The following GALNTL6 variants were observed in gnomAD, a reference collection of about 807,000 sequenced individuals.
The protein encoded by GALNTL6 is polypeptide N-acetylgalactosaminyltransferase like 6.
Under a neutral mutation model 73.7 loss-of-function variants are expected in GALNTL6, and 46 were observed. The ratio of observed to expected loss-of-function variants is 0.62; its 90% CI spans 0.49 to 0.80. The LOEUF (loss-of-function observed/expected upper bound fraction) is 0.80. GALNTL6 is among the 30% of genes least tolerant of loss of function. The pLI, the probability that GALNTL6 is intolerant of heterozygous loss-of-function variation, is 0.00. For missense variants in GALNTL6, 604 were observed against 755.0 expected (o/e 0.80, Z 2.34); for synonymous variants, 259 against 263.7 (o/e 0.98, Z 0.17).
intron 2 of GALNTL6, among the ~76,000 whole-genome samples, chr4:172,224,014 G>C (rs1350410631): frequency 6.6e-6 from 1 of 152,012 alleles, no homozygotes; most frequent in Non-Finnish European, 1.5e-5. Flanking sequence ...CTGTAACAGA[G>C]TTTCAACCAC....
At chr4:172,539,875 T>TTATATA (rs10589603) in intron 5 of GALNTL6, among the ~76,000 whole-genome samples, 67 of 126,652 alleles carry the variant, frequency 5.3e-4, no homozygotes, top group South Asian at 2.2e-3. Flanking sequence ...ATACATATGA[T>TTATATA]TATATATATA....
intron 10 of GALNTL6, among the ~76,000 whole-genome samples, chr4:172,992,086 G>A (rs553806950): frequency 2.9e-4 from 44 of 152,136 alleles, no homozygotes; most frequent in Non-Finnish European, 5.1e-4. Flanking sequence ...AACCAAATTC[G>A]TATGTGTTTT....
intron 5 of GALNTL6, among the ~76,000 whole-genome samples, chr4:172,725,256 C>A (rs1187526059): frequency 2.0e-5 from 3 of 152,154 alleles, no homozygotes; most frequent in Non-Finnish European, 4.4e-5. Flanking sequence ...TTAATAAAAG[C>A]AACTTCCAAC....
chr4:172,968,348 G>A (rs1750426588), intron 10 of GALNTL6, among the ~76,000 whole-genome samples: 2 of 152,142 alleles, frequency 1.3e-5, no homozygotes, highest in South Asian at 4.1e-4. Flanking sequence ...CTTACCAGTG[G>A]AATTAAAAGA....
At chr4:172,184,998 A>C (rs1456292034) in intron 2 of GALNTL6, among the ~76,000 whole-genome samples, 1 of 152,180 alleles carries the variant, frequency 6.6e-6, no homozygotes, top group Non-Finnish European at 1.5e-5. Context: ...TTTCCAATAC[A>C]TACAGTTGGG....
chr4:172,912,048 T>C (rs770651842), intron 8 of GALNTL6, among the ~76,000 whole-genome samples: 9 of 152,170 alleles, frequency 5.9e-5, no homozygotes, highest in Non-Finnish European at 1.0e-4. Flanking sequence ...AATCTAATCA[T>C]GCTAATGCTT....
intron 5 of GALNTL6, among the ~76,000 whole-genome samples, chr4:172,626,123 G>GT (rs1328898750): frequency 3.9e-5 from 6 of 151,994 alleles, no homozygotes; most frequent in African/African-American, 1.5e-4. Context: ...TGTTTCCTAG[G>GT]TTTTTGTCTA....
At chr4:172,893,556 G>C (rs1452231704) in intron 8 of GALNTL6, among the ~76,000 whole-genome samples, 1 of 152,186 alleles carries the variant, frequency 6.6e-6, no homozygotes, top group South Asian at 2.1e-4. Context: ...CTGTGCTGTA[G>C]GTACCTTCCT....
At chr4:172,897,378 G>A (rs551026546) in intron 8 of GALNTL6, among the ~76,000 whole-genome samples, 46 of 152,280 alleles carry the variant, frequency 3.0e-4, no homozygotes, top group African/African-American at 1.0e-3. Context: ...TTCGCCCTCT[G>A]GGCCCTTGTG....
At chr4:172,643,318 A>G (rs1026295007) in intron 5 of GALNTL6, among the ~76,000 whole-genome samples, 2 of 151,988 alleles carry the variant, frequency 1.3e-5, no homozygotes, top group Non-Finnish European at 2.9e-5. Flanking sequence ...ATAAGGCCAC[A>G]TCTGTTGCAT....
chr4:172,226,186 A>G (rs1256231760), intron 2 of GALNTL6, among the ~76,000 whole-genome samples: 1 of 152,154 alleles, frequency 6.6e-6, no homozygotes, highest in Non-Finnish European at 1.5e-5. Context: ...TTTTATTTTC[A>G]TTCTGTCATA....
intron 2 of GALNTL6, among the ~76,000 whole-genome samples, chr4:172,097,258 A>T (rs1337930443): frequency 6.6e-6 from 1 of 152,204 alleles, no homozygotes; most frequent in Non-Finnish European, 1.5e-5. Flanking sequence ...AAACTTCTGA[A>T]CTGGTTTTGA....
chr4:172,193,641 T>A (rs1735654419), intron 2 of GALNTL6, among the ~76,000 whole-genome samples: 1 of 152,052 alleles, frequency 6.6e-6, no homozygotes, highest in African/African-American at 2.4e-5. Flanking sequence ...GGCGGGTGGA[T>A]CATGAGGTCA....
At chr4:172,857,870 G>A (rs554043907) in intron 7 of GALNTL6, among the ~76,000 whole-genome samples, 14 of 152,242 alleles carry the variant, frequency 9.2e-5, no homozygotes, top group East Asian at 1.9e-4. Flanking sequence ...TTCATTTACC[G>A]TGGTAGGGGT....
intron 5 of GALNTL6, among the ~76,000 whole-genome samples, chr4:172,742,218 G>A (rs1736848741): frequency 6.6e-6 from 1 of 151,690 alleles, no homozygotes; most frequent in African/African-American, 2.4e-5. Flanking sequence ...AAGAATACCT[G>A]GTGAACCTGT....
chr4:171,907,084 C>T (rs1047162595), intron 2 of GALNTL6, among the ~76,000 whole-genome samples: 11 of 152,060 alleles, frequency 7.2e-5, no homozygotes, highest in African/African-American at 2.2e-4. Context: ...AAAACTGGCA[C>T]AAGACAGGGA....
intron 5 of GALNTL6, among the ~76,000 whole-genome samples, chr4:172,456,200 C>A (rs191197288): frequency 3.7e-4 from 56 of 152,120 alleles, no homozygotes; most frequent in Non-Finnish European, 6.5e-4. Flanking sequence ...CCAAAGGTCA[C>A]CAACATTAAA....
chr4:172,963,206 C>G (rs1750165145), intron 10 of GALNTL6, among the ~76,000 whole-genome samples: 3 of 152,206 alleles, frequency 2.0e-5, no homozygotes, highest in East Asian at 3.9e-4. Flanking sequence ...GCTTAGAATC[C>G]TCCAGTCTCA....
chr4:172,481,400 T>C (rs1579113097), intron 5 of GALNTL6, among the ~76,000 whole-genome samples: 1 of 126,330 alleles, frequency 7.9e-6, no homozygotes, highest in African/African-American at 2.7e-5. Context: ...GAGCAAAGCT[T>C]CCACAGTGTG....
Sources: gnomAD v4.1 joint callset for allele counts (sites outside exome capture counted in the v4.1 genomes callset) on GRCh38, gnomAD v4.1.1 for gene constraint, MANE v1.5 for transcripts, NCBI Gene and HGNC (gene_info 2026-07-23, HGNC 2026-07-21) for gene names.